Variants in REC114 observed in about 807,000 individuals in gnomAD.
REC114 encodes REC114 meiotic recombination protein.
Under a neutral mutation model 31.3 loss-of-function variants are expected in REC114, and 27 were observed. The ratio of observed to expected loss-of-function variants is 0.86; its 90% CI spans 0.64 to 1.19. The LOEUF (loss-of-function observed/expected upper bound fraction) is 1.19, where lower values mean the gene tolerates loss of function less well. Among genes scored for constraint, REC114 ranks in the 50% most tolerant of loss-of-function variants. REC114 has a pLI of 0.00. For missense variants in REC114, 344 were observed against 326.9 expected (o/e 1.05, Z -0.40); for synonymous variants, 134 against 127.7 (o/e 1.05, Z -0.33).
At chr15:73,455,324 A>G (rs1223559059) in intron 1 of REC114, among the ~76,000 whole-genome samples, 3 of 152,194 alleles carry the variant, frequency 2.0e-5, no homozygotes, top group African/African-American at 7.2e-5. Context: ...TGTGGAGGAT[A>G]GAGTCATTCT....
chr15:73,548,066 G>GA (rs1894335160), intron 3 of REC114, among the ~76,000 whole-genome samples: 1 of 150,390 alleles, frequency 6.6e-6, no homozygotes, highest in Admixed American at 6.6e-5. Context: ...AAATTTACAA[G>GA]AAAAAAACAA....
At chr15:73,489,478 T>C (rs1288234184) in intron 2 of REC114, among the ~76,000 whole-genome samples, 2 of 151,980 alleles carry the variant, frequency 1.3e-5, no homozygotes, top group Non-Finnish European at 2.9e-5. Context: ...ACTGTTGGGA[T>C]TACAGGCGTG....
chr15:73,490,363 G>T (rs1246661155), intron 2 of REC114, among the ~76,000 whole-genome samples: 1 of 152,144 alleles, frequency 6.6e-6, no homozygotes, highest in Admixed American at 6.5e-5. Flanking sequence ...GTTTTGCGTG[G>T]TTTGTCATTG....
At chr15:73,557,215 G>A (rs1276186435) in intron 5 of REC114, among the ~76,000 whole-genome samples, 3 of 151,696 alleles carry the variant, frequency 2.0e-5, no homozygotes, top group Middle Eastern at 3.5e-3. Context: ...GATTACAGGC[G>A]TGTGCCACCA....
chr15:73,541,033 C>T (rs1164729457), intron 3 of REC114, among the ~76,000 whole-genome samples: 1 of 152,166 alleles, frequency 6.6e-6, no homozygotes, highest in African/African-American at 2.4e-5. Flanking sequence ...TCACCTGGAT[C>T]ATTTTCCTTC....
intron 2 of REC114, among the ~76,000 whole-genome samples, chr15:73,490,115 T>C (rs1326565948): frequency 6.6e-6 from 1 of 152,202 alleles, no homozygotes; most frequent in African/African-American, 2.4e-5. Flanking sequence ...ATTTCACTAA[T>C]AGCTTCTGAT....
At chr15:73,494,725 T>C (rs573882825) in intron 2 of REC114, among the ~76,000 whole-genome samples, 1 of 152,332 alleles carries the variant, frequency 6.6e-6, no homozygotes, top group South Asian at 2.1e-4. Context: ...TATCCAAATA[T>C]ACATCAAGAA....
chr15:73,506,109 A>G (rs1385757946), intron 2 of REC114, among the ~76,000 whole-genome samples: 1 of 152,124 alleles, frequency 6.6e-6, no homozygotes, highest in Non-Finnish European at 1.5e-5. Flanking sequence ...AGCTTCTATA[A>G]AATGTTATTA....
intron 2 of REC114, among the ~76,000 whole-genome samples, chr15:73,504,398 T>A (rs1367904739): frequency 6.6e-6 from 1 of 152,202 alleles, no homozygotes; most frequent in East Asian, 1.9e-4. Context: ...TCATATTGAT[T>A]ACCAGTTGTC....
intron 3 of REC114, among the ~76,000 whole-genome samples, chr15:73,549,459 T>A (rs1894358433): frequency 6.6e-6 from 1 of 152,138 alleles, no homozygotes; most frequent in Non-Finnish European, 1.5e-5. Context: ...ATAATGGAAA[T>A]TTTTAAATAC....
intron 2 of REC114, among the ~76,000 whole-genome samples, chr15:73,511,809 T>C (rs936403887): frequency 6.8e-6 from 1 of 146,948 alleles, no homozygotes; most frequent in East Asian, 2.0e-4. Flanking sequence ...GTCTGAGAGA[T>C]AGTTTGTTAT....
At chr15:73,545,807 A>T (rs532958621) in intron 3 of REC114, among the ~76,000 whole-genome samples, 1 of 152,180 alleles carries the variant, frequency 6.6e-6, no homozygotes, top group African/African-American at 2.4e-5. Context: ...AAAGCTAGCT[A>T]TGAAATACAG....
intron 2 of REC114, among the ~76,000 whole-genome samples, chr15:73,529,731 A>G (rs1210864212): frequency 6.6e-6 from 1 of 152,180 alleles, no homozygotes; most frequent in Non-Finnish European, 1.5e-5. Flanking sequence ...TAGTAATTGA[A>G]TGCCTCTTTT....
At chr15:73,524,611 T>C (rs768957909) in intron 2 of REC114, among the ~76,000 whole-genome samples, 1 of 152,164 alleles carries the variant, frequency 6.6e-6, no homozygotes, top group Non-Finnish European at 1.5e-5. Context: ...TTTTCTTTTT[T>C]TTTGGAGACA....
At chr15:73,474,321 TC>T (rs1261359723) in intron 2 of REC114, among the ~76,000 whole-genome samples, 2 of 152,216 alleles carry the variant, frequency 1.3e-5, no homozygotes, top group Non-Finnish European at 2.9e-5. Context: ...ATTGATAGCG[TC>T]CTCTATAAAA....
intron 2 of REC114, among the ~76,000 whole-genome samples, chr15:73,504,716 G>A (rs1893652188): frequency 1.3e-5 from 2 of 152,120 alleles, no homozygotes. Context: ...TCAAGCTACA[G>A]ATTTTATATG....
rs58054552 is a variant in REC114, at chr15:73,482,303, G to T, written c.249+8382G>T. 7.6e-3 allele frequency among the ~76,000 whole-genome samples: 1,150 copies of T among 152,274 alleles called. 16 individuals are homozygous for T. The highest frequency in any genetic ancestry group is 0.026 in the African/African-American group (1,085 of 41,546). ...CTTGGTGCTGTCCTCACGATAATAAGTGAGTTCTTGCTCTGAGTTCATGCA... is the reference window on the plus strand; with the variant it reads ...CTTGGTGCTGTCCTCACGATAATAATTGAGTTCTTGCTCTGAGTTCATGCA... On this transcript the variant is annotated intron_variant, in intron 2 of 5. Coordinates refer to ENST00000331090, the MANE Select transcript of REC114 (RefSeq NM_001042367.2).
At chr15:73,479,968 G>T (rs895919829) in intron 2 of REC114, among the ~76,000 whole-genome samples, 15 of 152,100 alleles carry the variant, frequency 9.9e-5, no homozygotes, top group Non-Finnish European at 1.8e-4. Context: ...GGGATTGCTG[G>T]ATCATATGGT....
intron 2 of REC114, among the ~76,000 whole-genome samples, chr15:73,516,573 G>A (rs1186154674): frequency 9.2e-5 from 14 of 152,170 alleles, no homozygotes; most frequent in Middle Eastern, 3.4e-3. Context: ...TGATGAATGC[G>A]GTACTCCATG....
Sources: allele counts gnomAD v4.1 joint callset (sites outside exome capture counted in the v4.1 genomes callset), GRCh38; gene constraint gnomAD v4.1.1; transcripts MANE v1.5; gene names NCBI Gene and HGNC (gene_info 2026-07-23, HGNC 2026-07-21).